Variants in RBM6 observed in about 807,000 individuals in gnomAD.
RBM6 encodes RNA-binding protein 6.
In RBM6, 23 loss-of-function variants were observed where a neutral mutation model predicts 140.4. The observed-to-expected ratio is 0.16, with a 90% CI of 0.12 to 0.23. The LOEUF (loss-of-function observed/expected upper bound fraction) is 0.23. Ranked by LOEUF, RBM6 falls within the 10% of genes least tolerant of loss-of-function variation. The pLI, the probability that RBM6 is intolerant of heterozygous loss-of-function variation, is 1.00. For missense variants in RBM6, 1,139 were observed against 1,386.7 expected (o/e 0.82, Z 2.84); for synonymous variants, 439 against 475.6 (o/e 0.92, Z 1.00).
rs569224640 is a variant in RBM6 at position 49,968,770 on chromosome 3, C to CTTTTTTTTTTTT, written c.1323+39_1323+50dup. 12 of 611,624 alleles carry CTTTTTTTTTTTT rather than the reference C, an allele frequency of 2.0e-5. 1 individual carries two copies. In the African/African-American group the frequency reaches 3.7e-4, roughly 19 times the overall value. The allele number at this position is 611,624 out of a possible 1,614,324, so 37.9% of individuals were successfully genotyped here. A position where few individuals can be genotyped will look rare whatever the true frequency, so the allele number is the denominator to read the frequency against. On this transcript the variant is annotated intron_variant, in intron 3 of 20. Transcript: ENST00000266022. ...TCAGGTATGTTGATGGGGTGGATTG[C>CTTTTTTTTTTTT]TTTTTTTTTTTTTTTTTTTTTTTTT...
At chr3:50,015,525 G>T (rs1223522241) in intron 6 of RBM6, among the ~76,000 whole-genome samples, 2 of 151,084 alleles carry the variant, frequency 1.3e-5, no homozygotes, top group East Asian at 3.9e-4. Flanking sequence ...CCGCCTCCTG[G>T]GTTCATGCCA....
chr3:50,013,658 C>T (rs565668300), intron 6 of RBM6, among the ~76,000 whole-genome samples: 1 of 152,232 alleles, frequency 6.6e-6, no homozygotes, highest in African/African-American at 2.4e-5. Context: ...CAGCGAGGCT[C>T]TGTCTCAAAA....
intron 4 of RBM6, among the ~76,000 whole-genome samples, chr3:49,974,723 G>A (rs1432775443): frequency 8.6e-6 from 1 of 116,428 alleles, no homozygotes; most frequent in Admixed American, 1.2e-4. Flanking sequence ...GTCTCGCTCT[G>A]TTGCCCAGGC....
At chr3:50,062,333 G>A (rs2089972207) in intron 15 of RBM6, among the ~76,000 whole-genome samples, 2 of 151,944 alleles carry the variant, frequency 1.3e-5, no homozygotes, top group African/African-American at 4.8e-5. Context: ...TGAAACCCCT[G>A]TCTCTACTAA....
intron 17 of RBM6, 96 bp downstream of exon 17, chr3:50,066,598 C>G: frequency 6.9e-7 from 1 of 1,446,182 alleles, no homozygotes; most frequent in South Asian, 1.3e-5. Context: ...GAGGCCGAGG[C>G]GGGTGGATTG....
At chr3:50,052,105 C>T (rs986730555) in intron 7 of RBM6, among the ~76,000 whole-genome samples, 1 of 152,242 alleles carries the variant, frequency 6.6e-6, no homozygotes, top group East Asian at 1.9e-4. Context: ...TGGTTTGTCA[C>T]CCAGGCTGGA....
At chr3:50,075,984 T>C (rs1315850428) in intron 20 of RBM6, among the ~76,000 whole-genome samples, 1 of 151,918 alleles carries the variant, frequency 6.6e-6, no homozygotes, top group Admixed American at 6.6e-5. Flanking sequence ...TTTTTTTTTT[T>C]TTGAGACAGA....
intron 6 of RBM6, among the ~76,000 whole-genome samples, chr3:50,027,479 G>C (rs544605880): frequency 6.6e-6 from 1 of 152,264 alleles, no homozygotes; most frequent in East Asian, 1.9e-4. Flanking sequence ...TATCCATTAA[G>C]AGTCACTCTC....
At chr3:50,059,219 T>C (rs1310863805) in intron 10 of RBM6, 3 of 153,082 alleles carry the variant, frequency 2.0e-5, no homozygotes, top group African/African-American at 7.2e-5. Flanking sequence ...ACATTTCCTC[T>C]TTTTCCTCAA....
chr3:49,993,703 T>TAA lies in RBM6; in HGVS notation c.1484-5727_1484-5726dup, dbSNP rs578238560. The stretch of plus-strand genomic sequence containing the variant: ...ATATCTTCCTTTTTTCATTTTTCTT[T>TAA]AAAAAAAAAAACAACCCTTGTATGC... On this transcript the variant is annotated intron_variant, in intron 5 of 20. Coordinates refer to ENST00000266022, the MANE Select transcript of RBM6 (RefSeq NM_005777.3). Among the ~76,000 whole-genome samples the TAA allele has an allele frequency of 3.5e-4, 52 of 146,830 alleles. 1 individual carries two copies. The South Asian group carries it at 4.1e-3, about 12-fold the overall frequency.
At chr3:49,969,367 C>T (rs934744146) in intron 3 of RBM6, among the ~76,000 whole-genome samples, 11 of 147,016 alleles carry the variant, frequency 7.5e-5, no homozygotes, top group Non-Finnish European at 1.5e-4. Flanking sequence ...TTTGCATAAC[C>T]ATTAGAAAGC....
rs1198741326 is a variant in RBM6 at position 50,048,467 on chromosome 3, A to G, written c.1632+148A>G. On this transcript the variant is annotated intron_variant, in intron 7 of 20. Transcript: ENST00000266022. ...TTCAGTTGAACAGGAGGAGGTCAAG[A>G]CAAGGTCATTCATAATTTCTCCTTC... is the stretch of plus-strand genomic sequence containing the variant. The G allele has an allele frequency of 8.3e-6, 12 of 1,439,574 alleles. No individual in the cohort carries two copies. In the Admixed American group the frequency reaches 1.1e-4, roughly 13 times the overall value. 89.2% of individuals were successfully genotyped at this position (1,439,574 alleles called of 1,614,324 possible). A position where few individuals can be genotyped will look rare whatever the true frequency, so the allele number is the denominator to read the frequency against.
chr3:49,960,096 G>A lies in RBM6; in HGVS notation c.-66-2480G>A, dbSNP rs574896411. Among the ~76,000 whole-genome samples, 3 of 152,212 alleles carry A rather than the reference G, an allele frequency of 2.0e-5. No homozygotes were observed. In the South Asian group the frequency reaches 6.2e-4, roughly 32 times the overall value. ...TTTCTCTGCCTGAGTTTTGTATTAG[G>A]TTGAAATAGAAACATGCACCTTATG... is the stretch of plus-strand genomic sequence containing the variant. On this transcript the variant is annotated intron_variant, in intron 1 of 20. Coordinates refer to ENST00000266022, the MANE Select transcript of RBM6 (RefSeq NM_005777.3).
chr3:50,062,458 C>T (rs773400278), intron 15 of RBM6, among the ~76,000 whole-genome samples: 12 of 151,164 alleles, frequency 7.9e-5, no homozygotes, highest in Non-Finnish European at 1.6e-4. Context: ...GAGCCGAGAT[C>T]GCGCCACTAC....
chr3:50,016,543 T>C (rs753630504), intron 6 of RBM6, among the ~76,000 whole-genome samples: 4 of 151,992 alleles, frequency 2.6e-5, no homozygotes, highest in Non-Finnish European at 4.4e-5. Context: ...GTTTCCAAAA[T>C]ATCTGTACTA....
At chr3:50,002,514 G>T (rs1240989167) in intron 6 of RBM6, among the ~76,000 whole-genome samples, 2 of 151,894 alleles carry the variant, frequency 1.3e-5, no homozygotes, top group East Asian at 3.9e-4. Flanking sequence ...CGACTGCCTT[G>T]GCCTCCCAAA....
At chr3:49,965,587 G>T (rs909118559) in intron 2 of RBM6, among the ~76,000 whole-genome samples, 3 of 151,852 alleles carry the variant, frequency 2.0e-5, no homozygotes, top group Non-Finnish European at 4.4e-5. Context: ...GGAGAATGGC[G>T]TGAACCCGGG....
intron 18 of RBM6, 32 bp downstream of exon 18, chr3:50,068,796 C>T: frequency 6.3e-7 from 1 of 1,588,514 alleles, no homozygotes. Context: ...CTCCCTTGAC[C>T]TCAGCTCTTT....
chr3:50,021,975 G>A (rs925275377), intron 6 of RBM6, among the ~76,000 whole-genome samples: 4 of 151,054 alleles, frequency 2.6e-5, no homozygotes, highest in Non-Finnish European at 1.5e-5. Context: ...GCTTGAGCCC[G>A]GGAGGTCAAG....
Sources: allele counts gnomAD v4.1 joint callset (sites outside exome capture counted in the v4.1 genomes callset), GRCh38; gene constraint gnomAD v4.1.1; transcripts MANE v1.5; gene names NCBI Gene and HGNC (gene_info 2026-07-23, HGNC 2026-07-21).